The following HSD17B2 variants were observed in gnomAD, a reference collection of about 807,000 sequenced individuals.
The protein encoded by HSD17B2 is 17-beta-hydroxysteroid dehydrogenase type 2.
In HSD17B2, 32 loss-of-function variants were observed where a neutral mutation model predicts 26.9. The ratio of observed to expected loss-of-function variants is 1.19; its 90% CI spans 0.90 to 1.60. HSD17B2 has a LOEUF of 1.60. Among genes scored for constraint, HSD17B2 ranks in the 40% most tolerant of loss-of-function variants. HSD17B2 has a pLI of 0.00. For synonymous variants in HSD17B2, 246 were observed against 186.7 expected (o/e 1.32, Z -2.59); for missense variants, 613 against 468.6 (o/e 1.31, Z -2.85).
intron 3 of HSD17B2, among the ~76,000 whole-genome samples, chr16:82,087,402 T>G (rs959995581): frequency 2.0e-5 from 3 of 152,204 alleles, no homozygotes; most frequent in African/African-American, 4.8e-5. Flanking sequence ...CGGCTCTTAA[T>G]CAGCAACTTT....
chr16:82,075,037 G>C (rs1040584525), intron 3 of HSD17B2, among the ~76,000 whole-genome samples: 1 of 152,010 alleles, frequency 6.6e-6, no homozygotes, highest in African/African-American at 2.4e-5. Context: ...AGAAATAAAA[G>C]ATAAGAGGAA....
intron 4 of HSD17B2, chr16:82,097,202 GTGTATATGTCTA>G (rs1367323364): frequency 1.1e-4 from 16 of 144,226 alleles, no homozygotes; most frequent in Non-Finnish European, 1.7e-4. Flanking sequence ...CTAAATTTCT[GTGTATATGTCTA>G]TGTCTATGTC....
At chr16:82,088,642 T>G (rs1944508548) in intron 3 of HSD17B2, among the ~76,000 whole-genome samples, 1 of 152,234 alleles carries the variant, frequency 6.6e-6, no homozygotes. Context: ...TTTGAACAAG[T>G]TGCTGTAACT....
chr16:82,074,243 C>G (rs1182074424), intron 3 of HSD17B2, among the ~76,000 whole-genome samples: 1 of 152,110 alleles, frequency 6.6e-6, no homozygotes, highest in African/African-American at 2.4e-5. Flanking sequence ...TTCCCCATGC[C>G]TCTCTCTTCT....
rs1913593588 is a variant in HSD17B2, at chr16:82,035,343, A to G, written c.-82A>G. The stretch of plus-strand genomic sequence containing the variant: ...CCTCCCTTCTTGACTCTCTGTTCAC[A>G]GAACTCAGGCTGCCTCCAGCCAGCC... On this transcript the variant is annotated 5_prime_UTR_variant, in exon 1 of 5. Coordinates refer to ENST00000199936, the MANE Select transcript of HSD17B2 (RefSeq NM_002153.3). 2.1e-6 allele frequency: 3 copies of G among 1,397,226 alleles called. No individual in the cohort carries two copies. Among genetic ancestry groups the G allele is most frequent in the Non-Finnish European group, 3.0e-6 (3 of 1,014,874 alleles). 86.6% of individuals were successfully genotyped at this position (1,397,226 alleles called of 1,614,324 possible).
rs146782039 is a variant in HSD17B2 at position 82,067,944 on chromosome 16, A to T, written c.266-226A>T. On this transcript the variant is annotated intron_variant, in intron 1 of 4. Coordinates refer to ENST00000199936, the MANE Select transcript of HSD17B2 (RefSeq NM_002153.3). ...TCTCTTTCCACCTATGCCCACTCAC[A>T]ACCCCTAATTCTATATTATGCCCCT... 1.9e-3 allele frequency among the ~76,000 whole-genome samples: 293 copies of T among 152,224 alleles called. 2 individuals are homozygous for T. Among genetic ancestry groups the T allele is most frequent in the African/African-American group, 6.4e-3 (264 of 41,552 alleles).
chr16:82,084,736 G>A (rs1009608153), intron 3 of HSD17B2, among the ~76,000 whole-genome samples: 1 of 152,106 alleles, frequency 6.6e-6, no homozygotes, highest in East Asian at 1.9e-4. Flanking sequence ...AAGAAGAGTT[G>A]AAGATAAACC....
chr16:82,087,915 T>C (rs989131594), intron 3 of HSD17B2, among the ~76,000 whole-genome samples: 2 of 152,120 alleles, frequency 1.3e-5, no homozygotes, highest in African/African-American at 2.4e-5. Context: ...CATTAATCCA[T>C]TCACCCCATC....
intron 4 of HSD17B2, chr16:82,092,963 T>C (rs1305790445): frequency 6.6e-6 from 1 of 152,326 alleles, no homozygotes; most frequent in East Asian, 1.9e-4. Context: ...AGAGCAATCC[T>C]GCAGTTAGGT....
At chr16:82,051,510 G>T (rs1262400262) in intron 1 of HSD17B2, among the ~76,000 whole-genome samples, 1 of 151,698 alleles carries the variant, frequency 6.6e-6, no homozygotes, top group East Asian at 1.9e-4. Flanking sequence ...AGTGGGAACT[G>T]AACTATGAGA....
intron 3 of HSD17B2, chr16:82,072,040 G>C (rs1914710104): frequency 6.6e-6 from 1 of 152,210 alleles, no homozygotes; most frequent in African/African-American, 2.4e-5. Flanking sequence ...GTGAATATCA[G>C]TTCTAGAATG....
At chr16:82,089,124 G>A (rs928288696) in intron 3 of HSD17B2, among the ~76,000 whole-genome samples, 2 of 152,130 alleles carry the variant, frequency 1.3e-5, no homozygotes. Context: ...TGGGCACAAT[G>A]TTCATAGCAC....
At chr16:82,072,832 G>C (rs576570011) in intron 3 of HSD17B2, among the ~76,000 whole-genome samples, 1 of 152,300 alleles carries the variant, frequency 6.6e-6, no homozygotes, top group South Asian at 2.1e-4. Context: ...AAGGCAGGAG[G>C]ATTACTTCAG....
intron 1 of HSD17B2, among the ~76,000 whole-genome samples, chr16:82,047,901 G>A (rs994558525): frequency 1.3e-5 from 2 of 152,194 alleles, no homozygotes; most frequent in African/African-American, 2.4e-5. Context: ...ACAAAGGAAT[G>A]TAGAGAATGA....
rs769364669 is a variant in HSD17B2, at chr16:82,035,609, C to T, written c.185C>T (p.Ser62Leu). ...CCTTTTTGGGGCTTGATCCTCTTCT[C>T]GGTGTCATGCTTCCTCATGTATACT... ...LSPFWGLILF[S>L]VSCFLMYTYL... The change falls in exon 1 of 5, where the codon TCG (serine) becomes TTG (leucine). Residue 62 changes from serine (S) to leucine (L), a missense_variant. Physicochemically the swap from Ser to Leu is moderately radical, Grantham distance 145. Coordinates refer to ENST00000199936, the MANE Select transcript of HSD17B2 (RefSeq NM_002153.3). 2.4e-5 allele frequency: 39 copies of T among 1,613,772 alleles called. No homozygotes were observed. The highest frequency in any genetic ancestry group is 1.1e-4 in the African/African-American group (8 of 74,908).
intron 1 of HSD17B2, among the ~76,000 whole-genome samples, chr16:82,043,544 C>T (rs1442744694): frequency 2.8e-5 from 4 of 142,184 alleles, no homozygotes; most frequent in Admixed American, 6.7e-5. Context: ...ATCAGCCGGG[C>T]GCCGTGGCAG....
At chr16:82,097,202 GTGTATATGTCTATGTCTATGTCTA>G (rs1904864832) in intron 4 of HSD17B2, 1 of 144,326 alleles carries the variant, frequency 6.9e-6, no homozygotes, top group East Asian at 2.0e-4. Context: ...CTAAATTTCT[GTGTATATGTCTATGTCTATGTCTA>G]TGTCTATGTC....
chr16:82,064,668 AG>A (rs1325276871), intron 1 of HSD17B2, among the ~76,000 whole-genome samples: 1 of 152,208 alleles, frequency 6.6e-6, no homozygotes, highest in African/African-American at 2.4e-5. Context: ...GAGAAAGAAG[AG>A]GGATTATTAG....
chr16:82,085,133 G>A (rs180676786), intron 3 of HSD17B2, among the ~76,000 whole-genome samples: 14 of 152,326 alleles, frequency 9.2e-5, no homozygotes, highest in Admixed American at 2.0e-4. Flanking sequence ...TTTCAGCCTT[G>A]AGTTCTGTCT....
Sources: allele counts gnomAD v4.1 joint callset (sites outside exome capture counted in the v4.1 genomes callset), GRCh38; gene constraint gnomAD v4.1.1; transcripts MANE v1.5; gene names NCBI Gene and HGNC (gene_info 2026-07-23, HGNC 2026-07-21).